Variants in NALF1 observed in about 807,000 individuals in gnomAD.
NALF1 encodes family with sequence similarity 155 member A.
A neutral mutation model predicts 48.4 loss-of-function variants in NALF1; 3 were observed. That is an observed-to-expected ratio of 0.06 (90% CI 0.03 to 0.16). The LOEUF is 0.16. Ranked by LOEUF, NALF1 falls within the 10% of genes least tolerant of loss-of-function variation. The pLI, the probability that NALF1 is intolerant of heterozygous loss-of-function variation, is 1.00. For synonymous variants in NALF1, 262 were observed against 245.7 expected, an observed-to-expected ratio of 1.07 and a Z score of -0.62; for missense variants, 526 against 571.5, an observed-to-expected ratio of 0.92 and a Z score of 0.81.
chr13:107,785,888 G>C (rs1878056702), intron 1 of NALF1, among the ~76,000 whole-genome samples: 1 of 152,094 alleles, frequency 6.6e-6, no homozygotes, highest in South Asian at 2.1e-4. Flanking sequence ...ACTCAAATTG[G>C]GACAATGTGA....
At chr13:107,480,484 CA>C (rs1885238125) in intron 1 of NALF1, among the ~76,000 whole-genome samples, 1 of 152,156 alleles carries the variant, frequency 6.6e-6, no homozygotes. Context: ...AAGTCTCTAA[CA>C]GGGGTGTCCA....
intron 1 of NALF1, among the ~76,000 whole-genome samples, chr13:107,726,930 T>TGTGTGA (rs1876172788): frequency 6.6e-6 from 1 of 150,428 alleles, no homozygotes; most frequent in South Asian, 2.1e-4. Flanking sequence ...TGTGTGTGTG[T>TGTGTGA]GTGTGTGTGT....
At chr13:107,598,222 T>G (rs1388653756) in intron 1 of NALF1, among the ~76,000 whole-genome samples, 1 of 152,164 alleles carries the variant, frequency 6.6e-6, no homozygotes, top group East Asian at 1.9e-4. Flanking sequence ...TTCCTTTCTA[T>G]TTAACTTCAC....
At chr13:107,187,136 A>G (rs543927379) in intron 2 of NALF1, among the ~76,000 whole-genome samples, 1 of 152,108 alleles carries the variant, frequency 6.6e-6, no homozygotes, top group South Asian at 2.1e-4. Flanking sequence ...CTCTTCTTTC[A>G]TGATTACATT....
intron 1 of NALF1, among the ~76,000 whole-genome samples, chr13:107,229,441 A>G (rs1880174521): frequency 6.6e-6 from 1 of 152,180 alleles, no homozygotes; most frequent in Non-Finnish European, 1.5e-5. Context: ...CACCTGCAGC[A>G]TAATTAGGTA....
chr13:107,334,788 G>A (rs1021162096), intron 1 of NALF1, among the ~76,000 whole-genome samples: 1 of 152,124 alleles, frequency 6.6e-6, no homozygotes, highest in African/African-American at 2.4e-5. Flanking sequence ...ATGTAGTGAC[G>A]CTTTAAACAC....
intron 1 of NALF1, among the ~76,000 whole-genome samples, chr13:107,650,006 T>TA (rs1038806975): frequency 6.6e-6 from 1 of 152,176 alleles, no homozygotes; most frequent in Non-Finnish European, 1.5e-5. Context: ...CTACAGATTT[T>TA]AAAAAATACT....
chr13:107,683,972 T>G (rs554448042), intron 1 of NALF1, among the ~76,000 whole-genome samples: 25 of 152,296 alleles, frequency 1.6e-4, no homozygotes, highest in African/African-American at 5.5e-4. Context: ...ACTCTGGCAA[T>G]AGGCCAACCC....
chr13:107,426,352 G>A lies in NALF1; in HGVS notation c.916-215597C>T, dbSNP rs76163532. Among the ~76,000 whole-genome samples, 250 of 152,228 alleles carry A rather than the reference G, an allele frequency of 1.6e-3. 1 individual carries two copies. The East Asian group carries it at 0.019, about 12-fold the overall frequency. On this transcript the variant is annotated intron_variant, in intron 1 of 2. Transcript: ENST00000375915. The stretch of plus-strand genomic sequence containing the variant: ...ATATCTGCCACCTGTGCTTGACAGC[G>A]CCAAGAGAACAGGCGTTGTTGAACA...
At chr13:107,218,358 T>G (rs1879919478) in intron 1 of NALF1, among the ~76,000 whole-genome samples, 1 of 152,162 alleles carries the variant, frequency 6.6e-6, no homozygotes. Context: ...CCTTCTTGTA[T>G]CCCCAGTGCC....
At chr13:107,416,207 G>A (rs1884086178) in intron 1 of NALF1, among the ~76,000 whole-genome samples, 1 of 151,026 alleles carries the variant, frequency 6.6e-6, no homozygotes, top group Admixed American at 6.6e-5. Context: ...AGTAGAGACG[G>A]GATTTCAACG....
intron 1 of NALF1, among the ~76,000 whole-genome samples, chr13:107,692,036 G>A (rs1352978433): frequency 6.6e-6 from 1 of 152,086 alleles, no homozygotes; most frequent in East Asian, 1.9e-4. Flanking sequence ...ATGAACAAAT[G>A]AAGCAAATAA....
At chr13:107,507,997 G>C (rs1208464153) in intron 1 of NALF1, among the ~76,000 whole-genome samples, 1 of 151,940 alleles carries the variant, frequency 6.6e-6, no homozygotes, top group Non-Finnish European at 1.5e-5. Flanking sequence ...AAATGAATTA[G>C]CCTCAGCAAT....
rs553595585 is a variant in NALF1 at position 107,583,767 on chromosome 13, G to A, written c.915+281915C>T. On this transcript the variant is annotated intron_variant, in intron 1 of 2. Transcript: ENST00000375915. ...GAGTGTGTTTATAAGTTTGAAAGGG[G>A]TACAAATTTTCAAAGCAATATGTGT... 3.3e-5 allele frequency among the ~76,000 whole-genome samples: 5 copies of A among 152,186 alleles called. No individual in the cohort carries two copies. In the East Asian group the frequency reaches 9.7e-4, roughly 29 times the overall value.
chr13:107,481,345 C>T (rs10492715), intron 1 of NALF1, among the ~76,000 whole-genome samples: 8,522 of 152,198 alleles, frequency 0.056, 327 homozygotes, highest in Non-Finnish European at 0.086. Context: ...AGTTTGCTAA[C>T]GATACATCTT....
At chr13:107,839,732 T>C (rs1879995236) in intron 1 of NALF1, among the ~76,000 whole-genome samples, 1 of 152,070 alleles carries the variant, frequency 6.6e-6, no homozygotes, top group African/African-American at 2.4e-5. Flanking sequence ...AGAGATATTT[T>C]TGACCCATAA....
intron 1 of NALF1, among the ~76,000 whole-genome samples, chr13:107,826,591 T>C (rs1879528399): frequency 6.6e-6 from 1 of 152,182 alleles, no homozygotes; most frequent in Non-Finnish European, 1.5e-5. Flanking sequence ...TATAAACACT[T>C]TTCAGTAAGT....
Position 107,866,688 on chromosome 13 carries a change from C to T in NALF1, c.-92G>A. On this transcript the variant is annotated 5_prime_UTR_variant, in exon 1 of 3. Coordinates refer to ENST00000375915, the MANE Select transcript of NALF1 (RefSeq NM_001080396.3). This position sits in a 1 kb window ranked among gnomAD's most constrained non-coding sequence, Gnocchi z 4.4. Reference sequence around the variant, plus strand: ...TGCATTGACTTAAAGGGTTTAATTTCCTTATCCCCTCCTCCCGTTTCTTCT... The same window carrying T: ...TGCATTGACTTAAAGGGTTTAATTTTCTTATCCCCTCCTCCCGTTTCTTCT... 1 of 1,024,098 alleles carries T rather than the reference C, an allele frequency of 9.8e-7. No homozygotes were observed. Among genetic ancestry groups the T allele is most frequent in the Non-Finnish European group, 1.4e-6 (1 of 699,072 alleles). The allele number at this position is 1,024,098 out of a possible 1,614,324, so 63.4% of individuals were successfully genotyped here. A position where few individuals can be genotyped will look rare whatever the true frequency, so the allele number is the denominator to read the frequency against.
At chr13:107,714,633 A>AAAAAAAAAG (rs1327146356) in intron 1 of NALF1, among the ~76,000 whole-genome samples, 15 of 151,352 alleles carry the variant, frequency 9.9e-5, no homozygotes, top group Non-Finnish European at 2.1e-4. Flanking sequence ...TATTAAAAAA[A>AAAAAAAAAG]AAAAAAGAAA....
Sources: gnomAD v4.1 joint callset for allele counts (sites outside exome capture counted in the v4.1 genomes callset) on GRCh38, gnomAD v4.1.1 for gene constraint, Gnocchi (gnomAD v3.1) non-coding constraint, MANE v1.5 for transcripts, NCBI Gene and HGNC (gene_info 2026-07-23, HGNC 2026-07-21) for gene names.